The following MTAP variants were observed in gnomAD, a reference collection of about 807,000 sequenced individuals.
The protein encoded by MTAP is methylthioadenosine phosphorylase, also known as S-methyl-5'-thioadenosine phosphorylase.
Under a neutral mutation model 33.6 loss-of-function variants are expected in MTAP, and 33 were observed. The observed-to-expected ratio is 0.98, with a 90% CI of 0.74 to 1.31. MTAP has a LOEUF of 1.31. MTAP is among the 40% of genes most tolerant of loss of function. The pLI, the probability that MTAP is intolerant of heterozygous loss-of-function variation, is 0.00. For missense variants in MTAP, 367 were observed against 360.0 expected, an observed-to-expected ratio of 1.02 and a Z score of -0.16; for synonymous variants, 148 against 125.7, an observed-to-expected ratio of 1.18 and a Z score of -1.19.
At position 21,814,115 on chromosome 9, in the gene MTAP, A is replaced by C. The variant is rs533328388; in HGVS notation, c.34-1318A>C. 7.2e-5 allele frequency among the ~76,000 whole-genome samples: 11 copies of C among 152,302 alleles called. No individual in the cohort carries two copies. The South Asian group carries it at 2.1e-3, about 29-fold the overall frequency. On this transcript the variant is annotated intron_variant, in intron 1 of 7. Transcript: ENST00000644715. ...GTGGTGGACAGTCACAAATTATGTA[A>C]CCATGTCATGGGAAACAGGCAGAGT...
intron 1 of MTAP, among the ~76,000 whole-genome samples, chr9:21,903,977 C>T (rs190409961): frequency 6.6e-6 from 1 of 152,286 alleles, no homozygotes; most frequent in East Asian, 1.9e-4. Context: ...AAGAATCACA[C>T]GTGGACTTGG....
chr9:21,802,943 A>G (rs1215029485), intron 1 of MTAP, 162 bp downstream of exon 1: 21 of 1,402,976 alleles, frequency 1.5e-5, no homozygotes, highest in Non-Finnish European at 1.9e-5. Flanking sequence ...TTGCCGCGCG[A>G]GGAGAGGGTA....
At chr9:21,895,116 G>C (rs1818268158) in intron 1 of MTAP, among the ~76,000 whole-genome samples, 1 of 152,280 alleles carries the variant, frequency 6.6e-6, no homozygotes, top group South Asian at 2.1e-4. Flanking sequence ...GCAATTTACA[G>C]ATTAAATGCC....
At chr9:21,917,130 A>G (rs1185361818) in intron 1 of MTAP, among the ~76,000 whole-genome samples, 5 of 152,248 alleles carry the variant, frequency 3.3e-5, no homozygotes, top group Admixed American at 2.0e-4. Flanking sequence ...CATAAACTGA[A>G]TGAGGAAGGC....
intron 1 of MTAP, chr9:21,803,442 G>A (rs936041090): frequency 6.6e-6 from 1 of 152,526 alleles, no homozygotes; most frequent in Non-Finnish European, 1.5e-5. Flanking sequence ...GGGCTGCACT[G>A]TTTGGAGGCC....
At chr9:21,915,055 C>CCTTCCTTT (rs1554649248) in intron 1 of MTAP, among the ~76,000 whole-genome samples, 102 of 25,838 alleles carry the variant, frequency 3.9e-3, no homozygotes, top group Middle Eastern at 0.019. Context: ...TTCCTTCCTT[C>CCTTCCTTT]CTTTCTTTCT....
intron 4 of MTAP, among the ~76,000 whole-genome samples, chr9:21,837,334 G>T (rs1825136643): frequency 6.6e-6 from 1 of 152,128 alleles, no homozygotes; most frequent in Non-Finnish European, 1.5e-5. Flanking sequence ...AGAGACATGG[G>T]AATTAAATGC....
intron 1 of MTAP, among the ~76,000 whole-genome samples, chr9:21,814,922 G>A (rs141499544): frequency 2.8e-4 from 43 of 152,294 alleles, no homozygotes; most frequent in East Asian, 1.2e-3. Context: ...TTCTAATGGC[G>A]TGGGAAAGAT....
intron 6 of MTAP, chr9:21,856,210 T>C: frequency 1.0e-6 from 1 of 984,662 alleles, no homozygotes; most frequent in Non-Finnish European, 1.2e-6. Context: ...GGTGACTTTC[T>C]GAGCACATTT....
At chr9:21,901,123 G>A (rs1253914324) in intron 1 of MTAP, among the ~76,000 whole-genome samples, 1 of 152,114 alleles carries the variant, frequency 6.6e-6, no homozygotes, top group Non-Finnish European at 1.5e-5. Flanking sequence ...ATGACATACA[G>A]TTTACCATTG....
chr9:21,916,187 A>T (rs1228348772), intron 1 of MTAP, among the ~76,000 whole-genome samples: 1 of 152,086 alleles, frequency 6.6e-6, no homozygotes. Flanking sequence ...TCCCTCCAAA[A>T]TTCATGTATA....
At chr9:21,897,603 C>T (rs1818317804) in intron 1 of MTAP, among the ~76,000 whole-genome samples, 1 of 152,058 alleles carries the variant, frequency 6.6e-6, no homozygotes, top group Non-Finnish European at 1.5e-5. Flanking sequence ...AAACAGAGAG[C>T]CAAATCATGA....
At chr9:21,817,001 A>G (rs1271333018) in intron 3 of MTAP, among the ~76,000 whole-genome samples, 1 of 152,210 alleles carries the variant, frequency 6.6e-6, no homozygotes, top group Non-Finnish European at 1.5e-5. Context: ...TCAGATGACT[A>G]AAATCAAAGC....
chr9:21,905,473 C>A (rs896250345), intron 1 of MTAP, among the ~76,000 whole-genome samples: 10 of 150,912 alleles, frequency 6.6e-5, no homozygotes, highest in Non-Finnish European at 1.3e-4. Flanking sequence ...AGTTATGTTT[C>A]TCCCCTGCAA....
chr9:21,840,594 T>C (rs1005747692), intron 5 of MTAP, among the ~76,000 whole-genome samples: 1 of 152,198 alleles, frequency 6.6e-6, no homozygotes, highest in African/African-American at 2.4e-5. Flanking sequence ...TTGGATGTAC[T>C]CCCAGTCTCC....
intron 1 of MTAP, among the ~76,000 whole-genome samples, chr9:21,908,653 T>C (rs572015819): frequency 6.6e-6 from 1 of 152,224 alleles, no homozygotes; most frequent in East Asian, 1.9e-4. Flanking sequence ...AACACTGACA[T>C]TTTTTGTTGT....
intron 1 of MTAP, among the ~76,000 whole-genome samples, chr9:21,814,382 C>A (rs772734718): frequency 1.3e-5 from 2 of 151,818 alleles, no homozygotes; most frequent in Non-Finnish European, 2.9e-5. Context: ...ATTTAGTTAC[C>A]CTTGTGACAA....
chr9:21,845,658 AC>A lies in MTAP; in HGVS notation c.450+7649del. Among the ~76,000 whole-genome samples, 2 of 152,274 alleles carry A rather than the reference AC, an allele frequency of 1.3e-5. 1 individual carries two copies. Among genetic ancestry groups the A allele is most frequent in the South Asian group, 4.1e-4 (2 of 4,824 alleles). ...CTTCAGAGTACCACCATCATTCTTC[AC>A]AGAAATATAAAAGTATCATATTTCT... On this transcript the variant is annotated intron_variant, in intron 5 of 7. Coordinates refer to ENST00000644715, the MANE Select transcript of MTAP (RefSeq NM_002451.4).
At chr9:21,870,495 C>T (rs1359607438), downstream of MTAP, among the ~76,000 whole-genome samples, 1 of 152,204 alleles carries the variant, frequency 6.6e-6, no homozygotes, top group Non-Finnish European at 1.5e-5. Context: ...TTCTGACTTA[C>T]TCCAGCCTCT....
Sources: allele counts gnomAD v4.1 joint callset (sites outside exome capture counted in the v4.1 genomes callset), GRCh38; gene constraint gnomAD v4.1.1; transcripts MANE v1.5; gene names NCBI Gene and HGNC (gene_info 2026-07-23, HGNC 2026-07-21).